USPL1: variants seen among roughly 807,000 people sequenced by gnomAD.
The protein encoded by USPL1 is SUMO-specific isopeptidase USPL1.
USPL1 carries 27 observed loss-of-function variants against 51.5 expected under a neutral mutation model. The ratio of observed to expected loss-of-function variants is 0.52; its 90% CI spans 0.39 to 0.72. USPL1 has a LOEUF of 0.72. Among genes scored for constraint, USPL1 ranks in the 30% least tolerant of loss-of-function variants. The pLI is 0.00. For missense variants in USPL1, 1,226 were observed against 1,268.0 expected (o/e 0.97, Z 0.50); for synonymous variants, 451 against 459.6 (o/e 0.98, Z 0.24).
At chr13:30,645,651 G>A (rs2137685887) in intron 6 of USPL1, among the ~76,000 whole-genome samples, 1 of 152,324 alleles carries the variant, frequency 6.6e-6, no homozygotes, top group Non-Finnish European at 1.5e-5. Context: ...GAACTGTCCA[G>A]CAAATTCCTT....
At chr13:30,635,693 A>G (rs1950866713) in intron 4 of USPL1, among the ~76,000 whole-genome samples, 2 of 152,148 alleles carry the variant, frequency 1.3e-5, no homozygotes, top group African/African-American at 2.4e-5. Context: ...TTTCTTATTC[A>G]TTAATGTGCT....
intron 3 of USPL1, among the ~76,000 whole-genome samples, chr13:30,627,327 GAAAA>G (rs1042166288): frequency 6.6e-6 from 1 of 151,824 alleles, no homozygotes; most frequent in African/African-American, 2.4e-5. Flanking sequence ...TTTATAAAAA[GAAAA>G]AAGATAAAAA....
chr13:30,640,863 C>T (rs950518015), intron 5 of USPL1, among the ~76,000 whole-genome samples: 1 of 152,152 alleles, frequency 6.6e-6, no homozygotes, highest in Non-Finnish European at 1.5e-5. Flanking sequence ...GAAATATGTA[C>T]ATCATAAGGA....
chr13:30,640,962 G>GT (rs1950939284), intron 5 of USPL1, among the ~76,000 whole-genome samples: 2 of 152,308 alleles, frequency 1.3e-5, no homozygotes, highest in African/African-American at 4.8e-5. Flanking sequence ...CACTGGGTAA[G>GT]TTATTGTAGG....
intron 6 of USPL1, 56 bp from the exon 7 acceptor site, chr13:30,646,876 T>G (rs1034911688): frequency 1.0e-5 from 16 of 1,558,866 alleles, no homozygotes; most frequent in East Asian, 4.5e-5. Context: ...GACATTGGTT[T>G]AAATTAATGT....
intron 3 of USPL1, among the ~76,000 whole-genome samples, chr13:30,626,826 CG>C (rs1950723356): frequency 6.6e-6 from 1 of 151,502 alleles, no homozygotes; most frequent in African/African-American, 2.4e-5. Flanking sequence ...TATCATTCAG[CG>C]TTTACTTTGG....
In USPL1 at chr13:30,653,157, C is replaced by A; in HGVS notation, c.1248C>A (p.Pro416=). 1 of 1,595,346 alleles carries A rather than the reference C, an allele frequency of 6.3e-7. No homozygotes were observed. Among genetic ancestry groups the A allele is most frequent in the Non-Finnish European group, 8.6e-7 (1 of 1,168,906 alleles). The change falls in exon 8 of 9, where the codon CCC becomes CCA. Residue 416 remains proline, a synonymous_variant. Transcript: ENST00000255304. ...CTTTTCTCTCCCACAGAGTATCTCCCATATTCATGTTGCACTTTGTAGAAG... is the reference window on the plus strand; with the variant it reads ...CTTTTCTCTCCCACAGAGTATCTCCAATATTCATGTTGCACTTTGTAGAAG... ...IRKMVLEKVS[P]IFMLHFVEGL... is the part of the protein sequence containing the mutation.
At chr13:30,648,770 G>A (rs1195330601) in intron 7 of USPL1, among the ~76,000 whole-genome samples, 1 of 152,170 alleles carries the variant, frequency 6.6e-6, no homozygotes, top group Non-Finnish European at 1.5e-5. Context: ...TGGGAAGGAA[G>A]AGGAGGTGTC....
rs1037162851 is a variant in USPL1, at chr13:30,630,355, A to G, written c.229-480A>G. Among the ~76,000 whole-genome samples, 17 of 152,346 alleles carry G rather than the reference A, an allele frequency of 1.1e-4. No homozygotes were observed. The East Asian group carries it at 3.1e-3, about 28-fold the overall frequency. ...CAGCCACTTGGACTCTAAACCCAAT[A>G]AAGATGTAAAACAGCAGTGCTATGA... is the stretch of plus-strand genomic sequence containing the variant. On this transcript the variant is annotated intron_variant, in intron 3 of 8. Coordinates refer to ENST00000255304, the MANE Select transcript of USPL1 (RefSeq NM_005800.5).
At chr13:30,638,624 T>C (rs1175754429) in intron 5 of USPL1, among the ~76,000 whole-genome samples, 1 of 152,040 alleles carries the variant, frequency 6.6e-6, no homozygotes, top group African/African-American at 2.4e-5. Flanking sequence ...AAAGGGCTTT[T>C]TGTTTTATTT....
chr13:30,619,638 G>C (rs1950622774), intron 1 of USPL1, among the ~76,000 whole-genome samples: 1 of 152,126 alleles, frequency 6.6e-6, no homozygotes, highest in African/African-American at 2.4e-5. Context: ...AATTTGTCAG[G>C]TGCTAAACTT....
In USPL1 at chr13:30,650,245, T is replaced by C. The variant is rs371539143; in HGVS notation, c.1239-2903T>C. Among the ~76,000 whole-genome samples, 52 of 152,288 alleles carry C rather than the reference T, an allele frequency of 3.4e-4. 2 individuals are homozygous for C. In the South Asian group the frequency reaches 0.01, roughly 30 times the overall value. ...TATTTGATTGACTCCAAGATGCTAC[T>C]GTTTGTAAGTTTTACCATTTTAAAA... On this transcript the variant is annotated intron_variant, in intron 7 of 8. Transcript: ENST00000255304.
chr13:30,637,286 T>C (rs965942206), intron 4 of USPL1, among the ~76,000 whole-genome samples: 1 of 152,174 alleles, frequency 6.6e-6, no homozygotes, highest in South Asian at 2.1e-4. Flanking sequence ...ATATGAGATA[T>C]TAGTTTGGGA....
At chr13:30,639,788 G>A (rs112734039) in intron 5 of USPL1, among the ~76,000 whole-genome samples, 3 of 152,244 alleles carry the variant, frequency 2.0e-5, no homozygotes, top group East Asian at 3.9e-4. Context: ...CTTTCGTGGT[G>A]CATTTAGCAG....
intron 4 of USPL1, among the ~76,000 whole-genome samples, chr13:30,634,968 A>G (rs2137649189): frequency 6.6e-6 from 1 of 152,148 alleles, no homozygotes; most frequent in African/African-American, 2.4e-5. Flanking sequence ...TATATTGCTC[A>G]TATTTGTTCC....
In USPL1 at chr13:30,627,453, C is replaced by T. The variant is rs569585091; in HGVS notation, c.229-3382C>T. On this transcript the variant is annotated intron_variant, in intron 3 of 8. Transcript: ENST00000255304. ...AGAGAAAAGTCAGTGAAGACACTTG[C>T]GAAGAGTGTGGGTGGAAATCACTAA... Among the ~76,000 whole-genome samples the T allele has an allele frequency of 1.2e-3, 181 of 151,124 alleles. 2 individuals carry two copies. The highest frequency in any genetic ancestry group is 4.3e-3 in the African/African-American group (176 of 41,192).
chr13:30,645,466 T>C (rs923859248), intron 6 of USPL1, among the ~76,000 whole-genome samples: 17 of 152,220 alleles, frequency 1.1e-4, no homozygotes, highest in Non-Finnish European at 2.1e-4. Context: ...CTGTGAGAGC[T>C]CAAGGGAGGG....
Position 30,656,267 on chromosome 13 carries a change from C to G in USPL1, c.1397-1207C>G, listed in dbSNP as rs565820740. 9.9e-5 allele frequency among the ~76,000 whole-genome samples: 15 copies of G among 152,254 alleles called. No individual in the cohort carries two copies. In the South Asian group the frequency reaches 3.1e-3, roughly 32 times the overall value. On this transcript the variant is annotated intron_variant, in intron 8 of 8. Coordinates refer to ENST00000255304, the MANE Select transcript of USPL1 (RefSeq NM_005800.5). ...TACCATTTTAACATTTGTAAGTGTACAATTCATTGGCATTGAATACATTGT... is the reference window on the plus strand; with the variant it reads ...TACCATTTTAACATTTGTAAGTGTAGAATTCATTGGCATTGAATACATTGT...
At chr13:30,628,887 G>GT (rs1415929528) in intron 3 of USPL1, among the ~76,000 whole-genome samples, 2 of 151,952 alleles carry the variant, frequency 1.3e-5, no homozygotes, top group African/African-American at 4.8e-5. Context: ...CTGCTTTTGA[G>GT]TTTTTTTTGG....
Sources: gnomAD v4.1 joint callset for allele counts (sites outside exome capture counted in the v4.1 genomes callset) on GRCh38, gnomAD v4.1.1 for gene constraint, MANE v1.5 for transcripts, NCBI Gene and HGNC (gene_info 2026-07-23, HGNC 2026-07-21) for gene names.